The following DKK3 variants were observed in gnomAD, a reference collection of about 807,000 sequenced individuals.
DKK3 encodes the protein dickkopf Wnt signaling pathway inhibitor 3, also known as dickkopf-related protein 3.
In DKK3, 22 loss-of-function variants were observed where a neutral mutation model predicts 33.2. That is an observed-to-expected ratio of 0.66 (90% CI 0.47 to 0.95). The LOEUF (loss-of-function observed/expected upper bound fraction) is 0.95. Among genes scored for constraint, DKK3 ranks in the 40% least tolerant of loss-of-function variants. DKK3 has a pLI of 0.00. For missense variants in DKK3, 398 were observed against 458.4 expected (o/e 0.87, Z 1.20); for synonymous variants, 194 against 188.8 (o/e 1.03, Z -0.23).
intron 3 of DKK3, among the ~76,000 whole-genome samples, chr11:11,993,039 T>C (rs1255265463): frequency 1.3e-5 from 2 of 152,220 alleles, no homozygotes; most frequent in Non-Finnish European, 1.5e-5. Context: ...GGGTGTAGCC[T>C]TCCTAGAGGA....
intron 1 of DKK3, 137 bp from the exon 2 acceptor site, chr11:12,002,574 C>T: frequency 2.2e-6 from 2 of 891,986 alleles, no homozygotes; most frequent in Non-Finnish European, 3.4e-6. Flanking sequence ...TAATTGAGTA[C>T]TCACTATGAT....
chr11:12,008,548 A>C lies in DKK3; in HGVS notation c.35T>G (p.Leu12Arg), dbSNP rs1231302002. The change falls in exon 1 of 7, where the codon CTG (leucine) becomes CGG (arginine). Residue 12 changes from leucine to arginine, a missense_variant. Physicochemically the swap from Leu to Arg is moderately radical, Grantham distance 102 (BLOSUM62 -2). Transcript: ENST00000683431. This position sits in a 1 kb window ranked among gnomAD's most constrained non-coding sequence, Gnocchi z 4.6. ...QRLGATLLCL[L>R]LAAAVPTAPA... ...GGCCGTGGGGACCGCCGCCGCCAGCAGCAGGCACAGCAGGGTGGCCCCAAG... is the reference window on the plus strand; with the variant it reads ...GGCCGTGGGGACCGCCGCCGCCAGCCGCAGGCACAGCAGGGTGGCCCCAAG... 2 of 1,534,514 alleles carry C rather than the reference A, an allele frequency of 1.3e-6. No homozygotes were observed. The highest frequency in any genetic ancestry group is 3.9e-5 in the Admixed American group (2 of 51,068).
intron 4 of DKK3, 106 bp downstream of exon 4, chr11:11,968,289 T>G: frequency 9.8e-7 from 1 of 1,023,908 alleles, no homozygotes; most frequent in Middle Eastern, 2.5e-4. Flanking sequence ...CCCATCATGG[T>G]GAGGCTCTTC....
intron 3 of DKK3, among the ~76,000 whole-genome samples, chr11:11,974,452 C>T (rs952770633): frequency 6.6e-6 from 1 of 152,164 alleles, no homozygotes; most frequent in Non-Finnish European, 1.5e-5. Flanking sequence ...GAGGAGCCAG[C>T]ATCTGGTGAG....
At chr11:11,994,504 G>A (rs1272601821) in intron 3 of DKK3, 1 of 152,138 alleles carries the variant, frequency 6.6e-6, no homozygotes, top group Admixed American at 6.5e-5. Flanking sequence ...GACCTTGCAG[G>A]TCTCCCCAGG....
chr11:11,986,745 G>A (rs569642711), intron 3 of DKK3, among the ~76,000 whole-genome samples: 6 of 152,208 alleles, frequency 3.9e-5, no homozygotes, highest in East Asian at 3.9e-4. Flanking sequence ...CCATTTTACC[G>A]TCTGCCATGA....
At chr11:12,002,711 C>T (rs1289890425) in intron 1 of DKK3, among the ~76,000 whole-genome samples, 1 of 152,120 alleles carries the variant, frequency 6.6e-6, no homozygotes, top group Non-Finnish European at 1.5e-5. Context: ...TAGATAAATT[C>T]CCCAGAGTCC....
rs778335152 is a variant in DKK3, at chr11:11,964,508, G to T, written c.1009C>A (p.Pro337Thr). 1 of 1,613,668 alleles carries T rather than the reference G, an allele frequency of 6.2e-7. No individual in the cohort carries two copies. Among genetic ancestry groups the T allele is most frequent in the Admixed American group, 1.7e-5 (1 of 60,034 alleles). Reference protein sequence around the residue: ...SLTEEMALREPAAAAAALLGG... With the variant: ...SLTEEMALRETAAAAAALLGG... ...AGCAGTGCAGCGGCGGCAGCCGCAGGCTCCCTCAGCGCCATCTCTTCAGTC... is the reference window on the plus strand; with the variant it reads ...AGCAGTGCAGCGGCGGCAGCCGCAGTCTCCCTCAGCGCCATCTCTTCAGTC... The change falls in exon 7 of 7, where the codon CCT becomes ACT. Residue 337 changes from proline (P) to threonine (T), a missense_variant. Pro to Thr is a conservative substitution (Grantham distance 38, BLOSUM62 -1). Coordinates refer to ENST00000683431, the MANE Select transcript of DKK3 (RefSeq NM_001018057.2).
rs1447715894 is a variant in DKK3, at chr11:12,008,595, C to G, written c.-13G>C. 7.2e-7 allele frequency: 1 copy of G among 1,389,340 alleles called. No individual in the cohort carries two copies. Among genetic ancestry groups the G allele is most frequent in the African/African-American group, 1.5e-5 (1 of 65,780 alleles). 86.1% of individuals were successfully genotyped at this position (1,389,340 alleles called of 1,614,324 possible). On this transcript the variant is annotated 5_prime_UTR_variant, in exon 1 of 7. Coordinates refer to ENST00000683431, the MANE Select transcript of DKK3 (RefSeq NM_001018057.2). The surrounding 1 kb of genome is among the most constrained non-coding windows in gnomAD (Gnocchi z 4.6). ...CAAGCCGCTGCATCTCCGCTCTGCG[C>G]CCGCAGCCGCCGCCTGTGTGTCCCG... is the stretch of plus-strand genomic sequence containing the variant.
intron 2 of DKK3, 168 bp downstream of exon 2, chr11:12,002,132 C>G: frequency 1.4e-6 from 1 of 729,676 alleles, no homozygotes; most frequent in Non-Finnish European, 2.1e-6. Flanking sequence ...CATTGTCTCT[C>G]CACTTTCAAC....
chr11:11,998,155 T>C (rs759922564), intron 3 of DKK3: 1 of 160,686 alleles, frequency 6.2e-6, no homozygotes, highest in Non-Finnish European at 1.3e-5. Context: ...TTTATGACTC[T>C]ATAATTCTGT....
At chr11:11,974,273 C>T (rs1165808181) in intron 3 of DKK3, among the ~76,000 whole-genome samples, 1 of 152,276 alleles carries the variant, frequency 6.6e-6, no homozygotes, top group Non-Finnish European at 1.5e-5. Context: ...CCTGCACATC[C>T]TTCAGGCTTT....
Position 11,965,904 on chromosome 11 carries a change from GGC to G in DKK3, c.733_734del (p.Ala245GlnfsTer14). On this transcript the variant is annotated frameshift_variant, in exon 6 of 7. Transcript: ENST00000683431. LOFTEE classifies it high-confidence loss of function. ...PVEGELCHDPASRLLDLITWE... is the reference protein window; with the variant it reads ...PVEGELCHDPXSRLLDLITWE... Reference sequence around the variant, plus strand: ...AGGTGATGAGGTCCAGAAGCCGGCTGGCGGGGTCATGGCAAAGCTCGCCCTCC... The same window carrying G: ...AGGTGATGAGGTCCAGAAGCCGGCTGGGGGTCATGGCAAAGCTCGCCCTCC... The G allele has an allele frequency of 6.2e-7, 1 of 1,614,124 alleles. No individual in the cohort carries two copies. The highest frequency in any genetic ancestry group is 8.5e-7 in the Non-Finnish European group (1 of 1,180,036).
chr11:11,977,311 G>A (rs532446880), intron 3 of DKK3, among the ~76,000 whole-genome samples: 2 of 151,596 alleles, frequency 1.3e-5, no homozygotes, highest in East Asian at 3.9e-4. Context: ...TATACAGACA[G>A]CTCCCACCTC....
At chr11:11,998,063 G>A (rs898668689) in intron 3 of DKK3, 16 of 152,764 alleles carry the variant, frequency 1.0e-4, no homozygotes, top group African/African-American at 3.9e-4. Context: ...TGGTCTGGGA[G>A]TTAGGAGACC....
intron 3 of DKK3, among the ~76,000 whole-genome samples, chr11:11,995,680 C>T (rs1462820113): frequency 6.6e-6 from 1 of 152,216 alleles, no homozygotes; most frequent in Non-Finnish European, 1.5e-5. Flanking sequence ...CTTGCCCATG[C>T]TCTAGCTTCT....
At chr11:11,991,820 T>C (rs2135074736) in intron 3 of DKK3, among the ~76,000 whole-genome samples, 1 of 152,314 alleles carries the variant, frequency 6.6e-6, no homozygotes, top group Non-Finnish European at 1.5e-5. Flanking sequence ...GACTGAGAAG[T>C]GCCTTTGCTT....
At chr11:11,984,235 G>T (rs575124737) in intron 3 of DKK3, among the ~76,000 whole-genome samples, 1 of 152,352 alleles carries the variant, frequency 6.6e-6, no homozygotes, top group East Asian at 1.9e-4. Flanking sequence ...AAAAATGGTT[G>T]TGTTGAAGTC....
chr11:11,967,103 A>G lies in DKK3; in HGVS notation c.529-5T>C, dbSNP rs2134989920. ...CTCACTGTCCCGGGTGCAGAGCTGC[A>G]GACAGGTGGAAAGAGCCTAGAGCCA... is the stretch of plus-strand genomic sequence containing the variant. On this transcript the variant is annotated splice_region_variant and splice_polypyrimidine_tract_variant and intron_variant, in intron 4 of 6. Transcript: ENST00000683431. 1 of 1,612,922 alleles carries G rather than the reference A, an allele frequency of 6.2e-7. No homozygotes were observed. The highest frequency in any genetic ancestry group is 8.5e-7 in the Non-Finnish European group (1 of 1,179,634).
Sources: gnomAD v4.1 joint callset for allele counts (sites outside exome capture counted in the v4.1 genomes callset) on GRCh38, gnomAD v4.1.1 for gene constraint, Gnocchi (gnomAD v3.1) non-coding constraint, MANE v1.5 for transcripts, NCBI Gene and HGNC (gene_info 2026-07-23, HGNC 2026-07-21) for gene names.